Variants in ELAPOR1 observed in about 807,000 individuals in gnomAD.
ELAPOR1 encodes the protein endosome/lysosome-associated apoptosis and autophagy regulator 1.
A neutral mutation model predicts 119.7 loss-of-function variants in ELAPOR1; 77 were observed. The ratio of observed to expected loss-of-function variants is 0.64; its 90% CI spans 0.54 to 0.78. The LOEUF (loss-of-function observed/expected upper bound fraction) is 0.78. Among genes scored for constraint, ELAPOR1 ranks in the 30% least tolerant of loss-of-function variants. The pLI, the probability that ELAPOR1 is intolerant of heterozygous loss-of-function variation, is 0.00. For synonymous variants in ELAPOR1, 481 were observed against 487.2 expected, an observed-to-expected ratio of 0.99 and a Z score of 0.17; for missense variants, 1,115 against 1,270.4, an observed-to-expected ratio of 0.88 and a Z score of 1.86.
At chr1:109,165,247 G>A (rs1052648010) in intron 3 of ELAPOR1, among the ~76,000 whole-genome samples, 4 of 152,134 alleles carry the variant, frequency 2.6e-5, no homozygotes, top group East Asian at 1.9e-4. Context: ...AGCTATGACC[G>A]CACCACTGTA....
At chr1:109,114,552 T>C (rs1443058659) in intron 1 of ELAPOR1, among the ~76,000 whole-genome samples, 2 of 152,094 alleles carry the variant, frequency 1.3e-5, no homozygotes, top group Non-Finnish European at 1.5e-5. Context: ...CAGATTGGGA[T>C]GCTGAGCTCA....
chr1:109,136,380 TC>T (rs746033697), intron 1 of ELAPOR1, among the ~76,000 whole-genome samples: 39 of 152,250 alleles, frequency 2.6e-4, no homozygotes, highest in Non-Finnish European at 5.1e-4. Flanking sequence ...TGGCTGGCTG[TC>T]CCCCGAAGCC....
chr1:109,177,425 C>A (rs1487592924), intron 7 of ELAPOR1, among the ~76,000 whole-genome samples: 1 of 131,588 alleles, frequency 7.6e-6, no homozygotes, highest in African/African-American at 3.2e-5. Context: ...GACGGGGCGG[C>A]AGGGCAGAGG....
At chr1:109,151,222 T>C (rs1650512222) in intron 1 of ELAPOR1, among the ~76,000 whole-genome samples, 2 of 152,222 alleles carry the variant, frequency 1.3e-5, no homozygotes, top group South Asian at 4.2e-4. Flanking sequence ...ATGTGTGTTT[T>C]TAACATGATC....
At chr1:109,176,099 G>GA (rs1389735156) in intron 7 of ELAPOR1, among the ~76,000 whole-genome samples, 2 of 152,124 alleles carry the variant, frequency 1.3e-5, no homozygotes, top group African/African-American at 4.8e-5. Flanking sequence ...TGCTCTGAGG[G>GA]AAAGTAAGGG....
intron 8 of ELAPOR1, chr1:109,186,718 G>A: frequency 1.0e-6 from 1 of 985,520 alleles, no homozygotes; most frequent in Non-Finnish European, 1.2e-6. Flanking sequence ...AATTAATCCT[G>A]CTGCTCTTCT....
chr1:109,197,709 G>GTGTGTA (rs1202726442), intron 16 of ELAPOR1, 55 bp downstream of exon 16: 7 of 1,521,782 alleles, frequency 4.6e-6, no homozygotes, highest in Non-Finnish European at 6.3e-6. Flanking sequence ...GTGTGTGTGT[G>GTGTGTA]TGTGTATGTG....
At chr1:109,183,103 A>C (rs1204740868) in intron 7 of ELAPOR1, among the ~76,000 whole-genome samples, 7 of 152,134 alleles carry the variant, frequency 4.6e-5, no homozygotes, top group African/African-American at 1.7e-4. Context: ...ATTTGTATGA[A>C]TTACGCATAT....
At chr1:109,127,013 T>C (rs1228866214) in intron 1 of ELAPOR1, among the ~76,000 whole-genome samples, 1 of 152,114 alleles carries the variant, frequency 6.6e-6, no homozygotes, top group Non-Finnish European at 1.5e-5. Flanking sequence ...ACTCTTCCTT[T>C]CCTCAGTCTG....
intron 8 of ELAPOR1, 121 bp downstream of exon 8, chr1:109,185,254 C>A: frequency 1.3e-6 from 1 of 764,464 alleles, no homozygotes; most frequent in Admixed American, 2.2e-5. Flanking sequence ...ACCCCACAGA[C>A]CTTTGAGGTG....
At chr1:109,195,040 G>A (rs1023107738) in intron 15 of ELAPOR1, among the ~76,000 whole-genome samples, 1 of 152,166 alleles carries the variant, frequency 6.6e-6, no homozygotes, top group African/African-American at 2.4e-5. Context: ...AACCTGAGAG[G>A]TGGAGGTTGC....
At position 109,199,915 on chromosome 1, in the gene ELAPOR1, G is replaced by A; in HGVS notation, c.2563G>A (p.Ala855Thr). The change falls in exon 19 of 22, where the codon GCT becomes ACT. Residue 855 changes from alanine to threonine, a missense_variant. Ala to Thr is a moderately conservative substitution (Grantham distance 58). Transcript: ENST00000369939. ...NFHFLWESAA[A>T]CPLCSVADYH... Reference sequence around the variant, plus strand: ...CCACTTCCTGTGGGAGAGCGCGGCTGCTTGCCCGCTCTGCTCAGTGGCTGA... The same window carrying A: ...CCACTTCCTGTGGGAGAGCGCGGCTACTTGCCCGCTCTGCTCAGTGGCTGA... 6.2e-7 allele frequency: 1 copy of A among 1,613,908 alleles called. No individual in the cohort carries two copies. The highest frequency in any genetic ancestry group is 8.5e-7 in the Non-Finnish European group (1 of 1,180,040).
chr1:109,175,011 G>T (rs559080474), intron 7 of ELAPOR1, among the ~76,000 whole-genome samples: 12 of 151,794 alleles, frequency 7.9e-5, no homozygotes, highest in African/African-American at 2.9e-4. Flanking sequence ...CACCGCGCCC[G>T]GCCTGGGTTG....
chr1:109,162,085 C>T, intron 2 of ELAPOR1, 71 bp downstream of exon 2: 1 of 1,523,082 alleles, frequency 6.6e-7, no homozygotes, highest in Non-Finnish European at 9.0e-7. Context: ...TCCTGCCATC[C>T]AATCTGGGCC....
At chr1:109,202,016 C>T (rs1051581621) in intron 21 of ELAPOR1, among the ~76,000 whole-genome samples, 4 of 152,226 alleles carry the variant, frequency 2.6e-5, no homozygotes, top group African/African-American at 4.8e-5. Context: ...GGGAGGATCA[C>T]TTGAGCCCAG....
At chr1:109,144,053 A>ATATTTTTTTTT (rs1650004030) in intron 1 of ELAPOR1, among the ~76,000 whole-genome samples, 2 of 89,792 alleles carry the variant, frequency 2.2e-5, no homozygotes, top group African/African-American at 5.3e-5. Flanking sequence ...ATATATATAT[A>ATATTTTTTTTT]TTTATATATT....
At chr1:109,145,183 C>T (rs1650100030) in intron 1 of ELAPOR1, among the ~76,000 whole-genome samples, 1 of 152,146 alleles carries the variant, frequency 6.6e-6, no homozygotes, top group Non-Finnish European at 1.5e-5. Context: ...TCTTGCCCTT[C>T]TACCTTCTGC....
intron 1 of ELAPOR1, among the ~76,000 whole-genome samples, chr1:109,138,418 G>A (rs1366168052): frequency 6.6e-6 from 1 of 152,130 alleles, no homozygotes; most frequent in Non-Finnish European, 1.5e-5. Context: ...ACAGGACACA[G>A]AGGCACCTGC....
At chr1:109,161,625 C>T (rs1651264714) in intron 1 of ELAPOR1, 5 of 261,524 alleles carry the variant, frequency 1.9e-5, no homozygotes, top group Middle Eastern at 1.1e-3. Context: ...TTCCTCTGCT[C>T]CATAAGGACA....
Sources: gnomAD v4.1 joint callset for allele counts (sites outside exome capture counted in the v4.1 genomes callset) on GRCh38, gnomAD v4.1.1 for gene constraint, MANE v1.5 for transcripts, NCBI Gene and HGNC (gene_info 2026-07-23, HGNC 2026-07-21) for gene names.